Variants in ELOVL2 observed in about 807,000 individuals in gnomAD.
The protein encoded by ELOVL2 is very long chain fatty acid elongase 2.
A neutral mutation model predicts 37.7 loss-of-function variants in ELOVL2; 38 were observed. The observed-to-expected ratio is 1.01, with a 90% CI of 0.78 to 1.32. The LOEUF is 1.32. Among genes scored for constraint, ELOVL2 ranks in the 40% most tolerant of loss-of-function variants. The pLI, the probability that ELOVL2 is intolerant of heterozygous loss-of-function variation, is 0.00. For missense variants in ELOVL2, 352 were observed against 363.6 expected (o/e 0.97, Z 0.26); for synonymous variants, 115 against 122.3 (o/e 0.94, Z 0.40).
At chr6:11,030,352 G>A (rs577353778) in intron 1 of ELOVL2, among the ~76,000 whole-genome samples, 24 of 152,066 alleles carry the variant, frequency 1.6e-4, no homozygotes, top group Admixed American at 5.9e-4. Context: ...CTCTGATCTG[G>A]GACTCCAATG....
At chr6:10,994,955 G>A (rs1344975609) in intron 5 of ELOVL2, 52 bp downstream of exon 5, 19 of 1,394,240 alleles carry the variant, frequency 1.4e-5, no homozygotes, top group Non-Finnish European at 1.8e-5. Flanking sequence ...GACAGCACCA[G>A]TGGTCTCTAA....
intron 1 of ELOVL2, among the ~76,000 whole-genome samples, chr6:11,013,766 G>A (rs1442357824): frequency 6.6e-6 from 1 of 151,898 alleles, no homozygotes; most frequent in Non-Finnish European, 1.5e-5. Flanking sequence ...TGGATGAGAA[G>A]GGAACAGTAT....
chr6:10,985,956 G>A (rs1048321069), intron 7 of ELOVL2, among the ~76,000 whole-genome samples: 31 of 152,078 alleles, frequency 2.0e-4, no homozygotes, highest in Admixed American at 7.9e-4. Context: ...CCATTTTCAC[G>A]ATATTGATTC....
chr6:11,042,710 GTCCCTCCTGTCGGGAGTATC>G (rs1455419292), intron 1 of ELOVL2, among the ~76,000 whole-genome samples: 2 of 151,536 alleles, frequency 1.3e-5, no homozygotes, highest in African/African-American at 4.9e-5. Flanking sequence ...CCAAAATCGG[GTCCCTCCTGTCGGGAGTATC>G]TCCCTCCTCC....
chr6:11,037,725 AATTAT>A (rs1277172625), intron 1 of ELOVL2, among the ~76,000 whole-genome samples: 2 of 152,120 alleles, frequency 1.3e-5, no homozygotes, highest in African/African-American at 4.8e-5. Flanking sequence ...GTTCCCCTTA[AATTAT>A]ATTAGTCAGT....
At chr6:11,013,193 A>C (rs555776531) in intron 1 of ELOVL2, among the ~76,000 whole-genome samples, 11 of 152,256 alleles carry the variant, frequency 7.2e-5, no homozygotes, top group Non-Finnish European at 1.5e-4. Context: ...TGCTGGGAAA[A>C]TCAGAAACCT....
At position 10,983,114 on chromosome 6, in the gene ELOVL2, A is replaced by C. The variant is rs1392563024; in HGVS notation, c.*667T>G. 6.6e-6 allele frequency: 1 copy of C among 152,216 alleles called. No individual in the cohort carries two copies. The allele number at this position is 152,216 out of a possible 1,614,324, so 9.4% of individuals were successfully genotyped here. On this transcript the variant is annotated 3_prime_UTR_variant, in exon 8 of 8. Coordinates refer to ENST00000354666, the MANE Select transcript of ELOVL2 (RefSeq NM_017770.4). ...AGCCCCTGAATTATGAAAATCTTGC[A>C]GAAGCATTTTTTTCTCCTTAGAATA...
intron 3 of ELOVL2, among the ~76,000 whole-genome samples, chr6:11,003,987 G>C (rs911929906): frequency 2.0e-5 from 3 of 151,984 alleles, no homozygotes; most frequent in African/African-American, 4.8e-5. Context: ...TGAGGCTGAG[G>C]CAAGACAATT....
At chr6:11,040,158 T>C (rs1783077302) in intron 1 of ELOVL2, among the ~76,000 whole-genome samples, 2 of 152,134 alleles carry the variant, frequency 1.3e-5, no homozygotes, top group Non-Finnish European at 2.9e-5. Flanking sequence ...CACAGTAGAC[T>C]GAAGAGCTGG....
At position 11,024,602 on chromosome 6, in the gene ELOVL2, CTT is replaced by C. The variant is rs1252929758; in HGVS notation, c.4-13795_4-13794del. ...TTAAAGAGACAATGATAATGAGTCTCTTTATTCTCCCATCATTCCTATTCTTT... is the reference window on the plus strand; with the variant it reads ...TTAAAGAGACAATGATAATGAGTCTCTATTCTCCCATCATTCCTATTCTTT... On this transcript the variant is annotated intron_variant, in intron 1 of 7. Transcript: ENST00000354666. 2.6e-5 allele frequency among the ~76,000 whole-genome samples: 4 copies of C among 152,292 alleles called. No individual in the cohort carries two copies. In the East Asian group the frequency reaches 5.8e-4, roughly 22 times the overall value.
chr6:11,042,310 C>T (rs1329671261), intron 1 of ELOVL2, among the ~76,000 whole-genome samples: 1 of 151,196 alleles, frequency 6.6e-6, no homozygotes, highest in Admixed American at 6.6e-5. Flanking sequence ...GAGACCCTGC[C>T]ACAAAAAAAG....
intron 3 of ELOVL2, among the ~76,000 whole-genome samples, chr6:11,005,110 G>C (rs1434376922): frequency 6.6e-6 from 1 of 152,030 alleles, no homozygotes; most frequent in African/African-American, 2.4e-5. Context: ...AGTGAGCTGA[G>C]ATTGTGCCAT....
At chr6:11,013,188 G>C (rs1201031868) in intron 1 of ELOVL2, among the ~76,000 whole-genome samples, 3 of 152,160 alleles carry the variant, frequency 2.0e-5, no homozygotes, top group Non-Finnish European at 4.4e-5. Context: ...GCCAATGCTG[G>C]GAAAATCAGA....
chr6:11,000,239 A>G, intron 3 of ELOVL2, 75 bp from the exon 4 acceptor site: 1 of 1,357,596 alleles, frequency 7.4e-7, no homozygotes, highest in South Asian at 1.2e-5. Flanking sequence ...TTTCCCATTC[A>G]TGTCTCTGGC....
At chr6:10,995,475 G>A (rs1187857175) in intron 4 of ELOVL2, among the ~76,000 whole-genome samples, 1 of 152,186 alleles carries the variant, frequency 6.6e-6, no homozygotes, top group Non-Finnish European at 1.5e-5. Context: ...CCATGGGCTT[G>A]GGTGGCTGCT....
At chr6:11,017,686 G>A (rs1384524966) in intron 1 of ELOVL2, among the ~76,000 whole-genome samples, 1 of 152,144 alleles carries the variant, frequency 6.6e-6, no homozygotes, top group Non-Finnish European at 1.5e-5. Context: ...CAAAGAAGAG[G>A]GAAGCATCTG....
chr6:11,001,815 T>A (rs1009988573), intron 3 of ELOVL2, among the ~76,000 whole-genome samples: 3 of 152,210 alleles, frequency 2.0e-5, no homozygotes, highest in Non-Finnish European at 2.9e-5. Flanking sequence ...ATCCAACCTA[T>A]GTGTTGAAGA....
Position 11,000,085 on chromosome 6 carries a change from A to ACTTCCC in ELOVL2, c.333+1_333+2insGGGAAG. The ACTTCCC allele has an allele frequency of 6.2e-7, 1 of 1,613,982 alleles. No individual in the cohort carries two copies. Among genetic ancestry groups the ACTTCCC allele is most frequent in the Admixed American group, 1.7e-5 (1 of 60,018 alleles). On this transcript the variant is annotated splice_donor_variant, in intron 4 of 7. Coordinates refer to ENST00000354666, the MANE Select transcript of ELOVL2 (RefSeq NM_017770.4). LOFTEE classifies it high-confidence loss of function. ...TTGGTTGATTTGCTTCTAGTGGCTC[A>ACTTCCC]CCCGGATGTCAGCTTCCCCTGCGCT...
At chr6:10,989,973 G>A (rs879764797) in intron 6 of ELOVL2, 136 bp from the exon 7 acceptor site, 3 of 982,240 alleles carry the variant, frequency 3.1e-6, no homozygotes, top group Non-Finnish European at 4.4e-6. Flanking sequence ...AGCTGCTGAA[G>A]CAGCCCCCTC....
Sources: gnomAD v4.1 joint callset for allele counts (sites outside exome capture counted in the v4.1 genomes callset) on GRCh38, gnomAD v4.1.1 for gene constraint, MANE v1.5 for transcripts, NCBI Gene and HGNC (gene_info 2026-07-23, HGNC 2026-07-21) for gene names.